The following ZNF804B variants were observed in gnomAD, a reference collection of about 807,000 sequenced individuals.
ZNF804B encodes zinc finger 804B.
Under a neutral mutation model 101.4 loss-of-function variants are expected in ZNF804B, and 80 were observed. The ratio of observed to expected loss-of-function variants is 0.79; its 90% CI spans 0.66 to 0.95. ZNF804B has a LOEUF of 0.95. Among genes scored for constraint, ZNF804B ranks in the 40% least tolerant of loss-of-function variants. The pLI is 0.00. For missense variants in ZNF804B, 1,673 were observed against 1,561.9 expected, an observed-to-expected ratio of 1.07 and a Z score of -1.20; for synonymous variants, 622 against 558.8, an observed-to-expected ratio of 1.11 and a Z score of -1.59.
At chr7:89,103,922 G>A (rs1790097034) in intron 1 of ZNF804B, among the ~76,000 whole-genome samples, 1 of 151,784 alleles carries the variant, frequency 6.6e-6, no homozygotes. Context: ...AGTTTGTTGA[G>A]GGTTTTTAAT....
At chr7:89,245,029 A>G (rs896050174) in intron 2 of ZNF804B, among the ~76,000 whole-genome samples, 2 of 152,188 alleles carry the variant, frequency 1.3e-5, no homozygotes, top group Non-Finnish European at 2.9e-5. Flanking sequence ...TTCTAAGAAA[A>G]ATAAAAATCT....
intron 1 of ZNF804B, among the ~76,000 whole-genome samples, chr7:88,779,518 A>ACTC (rs1413420315): frequency 5.9e-5 from 9 of 152,172 alleles, no homozygotes; most frequent in Non-Finnish European, 5.9e-5. Context: ...TGCAGGAAGC[A>ACTC]CTCACTATAT....
In ZNF804B at chr7:88,870,202, C is replaced by T. The variant is rs565793017; in HGVS notation, c.108+110118C>T. Among the ~76,000 whole-genome samples, 143 of 150,590 alleles carry T rather than the reference C, an allele frequency of 9.5e-4. 1 individual carries two copies. Among genetic ancestry groups the T allele is most frequent in the Middle Eastern group, 3.4e-3 (1 of 292 alleles). On this transcript the variant is annotated intron_variant, in intron 1 of 3. Coordinates refer to ENST00000333190, the MANE Select transcript of ZNF804B (RefSeq NM_181646.5). ...GAGATCGAGACCATCCTGGCTAACACGGTGAAACCCCGTCTCTACTAAAAA... is the reference window on the plus strand; with the variant it reads ...GAGATCGAGACCATCCTGGCTAACATGGTGAAACCCCGTCTCTACTAAAAA...
At chr7:89,259,269 C>T (rs1213479137) in intron 2 of ZNF804B, among the ~76,000 whole-genome samples, 3 of 152,014 alleles carry the variant, frequency 2.0e-5, no homozygotes, top group African/African-American at 7.2e-5. Context: ...TTCTAAGATC[C>T]ATATCTTGTA....
chr7:89,129,769 G>A (rs966949038), intron 1 of ZNF804B, among the ~76,000 whole-genome samples: 1 of 151,940 alleles, frequency 6.6e-6, no homozygotes, highest in Non-Finnish European at 1.5e-5. Flanking sequence ...GGAAAGCTGG[G>A]ATTTAAACAC....
chr7:89,148,146 C>G (rs934360459), intron 1 of ZNF804B, among the ~76,000 whole-genome samples: 1 of 151,906 alleles, frequency 6.6e-6, no homozygotes, highest in African/African-American at 2.4e-5. Flanking sequence ...TACCTGTAAT[C>G]TGAGACAAAT....
At chr7:88,992,261 C>G (rs1165139361) in intron 1 of ZNF804B, among the ~76,000 whole-genome samples, 1 of 152,114 alleles carries the variant, frequency 6.6e-6, no homozygotes, top group Non-Finnish European at 1.5e-5. Flanking sequence ...ATTAACTCTC[C>G]TTTTTCTCTT....
chr7:89,171,677 C>T (rs552869244), intron 1 of ZNF804B, among the ~76,000 whole-genome samples: 312 of 152,078 alleles, frequency 2.1e-3, no homozygotes, highest in African/African-American at 6.4e-3. Context: ...TCAAGTGATC[C>T]GCCTGCCTTG....
At position 88,857,471 on chromosome 7, in the gene ZNF804B, A is replaced by G. The variant is rs538537483; in HGVS notation, c.108+97387A>G. Among the ~76,000 whole-genome samples the G allele has an allele frequency of 2.6e-5, 4 of 152,326 alleles. No individual in the cohort carries two copies. In the South Asian group the frequency reaches 6.2e-4, roughly 24 times the overall value. On this transcript the variant is annotated intron_variant, in intron 1 of 3. Coordinates refer to ENST00000333190, the MANE Select transcript of ZNF804B (RefSeq NM_181646.5). ...ACAGAAATACAAACTACCATCAGAG[A>G]ATACTATCAACAACTCTACACAAAA...
intron 1 of ZNF804B, among the ~76,000 whole-genome samples, chr7:88,998,361 G>A (rs1043592426): frequency 7.2e-5 from 11 of 152,016 alleles, no homozygotes; most frequent in African/African-American, 2.4e-4. Context: ...CATGCATGCA[G>A]GTGACAGTCC....
chr7:88,823,080 G>C (rs935264281), intron 1 of ZNF804B, among the ~76,000 whole-genome samples: 3 of 152,152 alleles, frequency 2.0e-5, no homozygotes, highest in Non-Finnish European at 4.4e-5. Flanking sequence ...CGTAGTGGCA[G>C]ATGCCTGTAA....
At chr7:89,291,251 C>A (rs1048495575) in intron 2 of ZNF804B, among the ~76,000 whole-genome samples, 5 of 151,768 alleles carry the variant, frequency 3.3e-5, no homozygotes, top group African/African-American at 9.7e-5. Flanking sequence ...AGCATTGACA[C>A]CATCTAGAAA....
chr7:89,071,930 A>G (rs576281115), intron 1 of ZNF804B, among the ~76,000 whole-genome samples: 3 of 152,076 alleles, frequency 2.0e-5, no homozygotes, highest in East Asian at 1.9e-4. Context: ...GTTCTGGCCA[A>G]TTTTTCAGGG....
intron 1 of ZNF804B, among the ~76,000 whole-genome samples, chr7:89,082,507 A>G (rs989441668): frequency 4.0e-5 from 6 of 151,784 alleles, no homozygotes; most frequent in African/African-American, 1.4e-4. Flanking sequence ...CTTTTAATAT[A>G]AATTACACTA....
At chr7:89,283,935 T>A (rs1206365043) in intron 2 of ZNF804B, among the ~76,000 whole-genome samples, 9 of 152,030 alleles carry the variant, frequency 5.9e-5, no homozygotes, top group Non-Finnish European at 1.2e-4. Context: ...TCAAAAAGGT[T>A]AAGAAAAAGT....
intron 1 of ZNF804B, among the ~76,000 whole-genome samples, chr7:89,022,449 A>G (rs1788682049): frequency 6.6e-6 from 1 of 152,098 alleles, no homozygotes; most frequent in African/African-American, 2.4e-5. Context: ...TTATCCGGTT[A>G]TGTCTTTGTT....
chr7:89,197,941 A>T (rs1211778457), intron 1 of ZNF804B, among the ~76,000 whole-genome samples: 1 of 151,904 alleles, frequency 6.6e-6, no homozygotes, highest in Non-Finnish European at 1.5e-5. Flanking sequence ...AGTTATTTAA[A>T]TAATGACACC....
intron 1 of ZNF804B, among the ~76,000 whole-genome samples, chr7:89,202,159 G>A (rs1264564503): frequency 2.0e-5 from 3 of 151,964 alleles, no homozygotes; most frequent in African/African-American, 4.8e-5. Flanking sequence ...CCTAAACCAG[G>A]CTCTTTCAAG....
intron 2 of ZNF804B, among the ~76,000 whole-genome samples, chr7:89,243,655 A>G (rs2115769087): frequency 6.6e-6 from 1 of 152,030 alleles, no homozygotes; most frequent in South Asian, 2.1e-4. Flanking sequence ...GGAAACATAA[A>G]CAAAGGACTA....
Sources: gnomAD v4.1 joint callset for allele counts (sites outside exome capture counted in the v4.1 genomes callset) on GRCh38, gnomAD v4.1.1 for gene constraint, MANE v1.5 for transcripts, NCBI Gene and HGNC (gene_info 2026-07-23, HGNC 2026-07-21) for gene names.